The following JPH3 variants were observed in gnomAD, a reference collection of about 807,000 sequenced individuals.
JPH3 encodes junctophilin 3, also known as junctophilin-3.
In JPH3, 11 loss-of-function variants were observed where a neutral mutation model predicts 59.6. The observed-to-expected ratio is 0.18, with a 90% confidence interval of 0.12 to 0.31. The LOEUF (loss-of-function observed/expected upper bound fraction) is 0.31. Ranked by LOEUF, JPH3 falls within the 10% of genes least tolerant of loss-of-function variation. The probability of loss-of-function intolerance (pLI) is 1.00; values close to 1 mark genes in which losing one functional copy is unlikely to be tolerated. For missense variants in JPH3, 1,202 were observed against 1,105.7 expected (o/e 1.09, Z -1.24); for synonymous variants, 673 against 483.6 (o/e 1.39, Z -5.14).
chr16:87,693,369 ACTTTTT>A (rs1014563087), intron 4 of JPH3, among the ~76,000 whole-genome samples: 2 of 152,286 alleles, frequency 1.3e-5, no homozygotes, highest in East Asian at 1.9e-4. Flanking sequence ...TGTTGAGCAA[ACTTTTT>A]CTTTAAAAAG....
chr16:87,609,682 G>A (rs547844459), intron 1 of JPH3, among the ~76,000 whole-genome samples: 19 of 152,292 alleles, frequency 1.2e-4, no homozygotes, highest in African/African-American at 4.3e-4. Flanking sequence ...GTGCACAGCC[G>A]AAGGCAGGCA....
chr16:87,645,021 G>A lies in JPH3; in HGVS notation c.1146G>A (p.Glu382=), dbSNP rs777652946. The change falls in exon 2 of 5, where the codon GAG becomes GAA. Residue 382 remains glutamate, a synonymous_variant. Transcript: ENST00000284262. ...CCACCATCGCCAAGCAGAAGGCTGAGATCGCGGCTTCCAGGTAGGAGGGCG... is the reference window on the plus strand; with the variant it reads ...CCACCATCGCCAAGCAGAAGGCTGAAATCGCGGCTTCCAGGTAGGAGGGCG... The part of the protein sequence containing the change: ...RAATIAKQKA[E]IAASRTSHSR... The A allele has an allele frequency of 1.9e-6, 3 of 1,603,146 alleles. No homozygotes were observed. The highest frequency in any genetic ancestry group is 2.5e-6 in the Non-Finnish European group (3 of 1,178,730).
chr16:87,679,808 G>A (rs920789679), intron 2 of JPH3, among the ~76,000 whole-genome samples: 35 of 152,212 alleles, frequency 2.3e-4, no homozygotes, highest in African/African-American at 6.3e-4. Flanking sequence ...CTGGCCAGGG[G>A]CCCCCTCAGC....
intron 2 of JPH3, among the ~76,000 whole-genome samples, chr16:87,670,905 G>A (rs2032997808): frequency 6.6e-6 from 1 of 152,152 alleles, no homozygotes. Context: ...CGAGAGAAGT[G>A]ACATTTGGTC....
At chr16:87,678,967 G>A (rs879609086) in intron 2 of JPH3, among the ~76,000 whole-genome samples, 14 of 151,952 alleles carry the variant, frequency 9.2e-5, no homozygotes, top group Non-Finnish European at 1.8e-4. Context: ...CTGCAGGACC[G>A]TGAGAAAAGG....
At chr16:87,610,128 G>A (rs2030677447) in intron 1 of JPH3, among the ~76,000 whole-genome samples, 1 of 152,192 alleles carries the variant, frequency 6.6e-6, no homozygotes, top group African/African-American at 2.4e-5. Flanking sequence ...AGAATCTAAT[G>A]CTGCTGCTGA....
intron 3 of JPH3, among the ~76,000 whole-genome samples, chr16:87,688,651 C>G (rs560452349): frequency 6.6e-6 from 1 of 152,236 alleles, no homozygotes; most frequent in South Asian, 2.1e-4. Flanking sequence ...AGAGGGAAGA[C>G]TCCCCAAATT....
intron 2 of JPH3, among the ~76,000 whole-genome samples, chr16:87,658,907 A>G (rs376290781): frequency 1.1e-3 from 167 of 152,358 alleles, no homozygotes; most frequent in African/African-American, 3.6e-3. Flanking sequence ...TTATTTGCCC[A>G]GCAGGGCAGC....
chr16:87,645,119 A>G, intron 2 of JPH3, 84 bp downstream of exon 2: 1 of 1,408,382 alleles, frequency 7.1e-7, no homozygotes. Flanking sequence ...GCTGTCGCTC[A>G]AGGCCTTGGG....
intron 2 of JPH3, among the ~76,000 whole-genome samples, 177 bp downstream of exon 2, chr16:87,645,212 G>T (rs1372837361): frequency 6.6e-5 from 10 of 152,246 alleles, no homozygotes; most frequent in African/African-American, 1.7e-4. Flanking sequence ...GTTCTCAGAG[G>T]TGACTGTGGT....
At chr16:87,604,386 GA>G in intron 1 of JPH3, 1 of 1,431,744 alleles carries the variant, frequency 7.0e-7, no homozygotes, top group Non-Finnish European at 9.2e-7. Flanking sequence ...CGCCTGCCTG[GA>G]CTCTCCGATA....
chr16:87,689,644 A>G lies in JPH3; in HGVS notation c.1286-2A>G. 6.2e-7 allele frequency: 1 copy of G among 1,611,284 alleles called. No individual in the cohort carries two copies. Among genetic ancestry groups the G allele is most frequent in the Non-Finnish European group, 8.5e-7 (1 of 1,179,238 alleles). The stretch of plus-strand genomic sequence containing the variant: ...CTGGCGTCGTCTTGTGTCCCCATAC[A>G]GGGCTGGAGTACCAGAGGCCGAAGC... On this transcript the variant is annotated splice_acceptor_variant, in intron 3 of 4. Coordinates refer to ENST00000284262, the MANE Select transcript of JPH3 (RefSeq NM_020655.4). LOFTEE classifies it high-confidence loss of function.
chr16:87,689,787 C>T lies in JPH3; in HGVS notation c.1427C>T (p.Pro476Leu), dbSNP rs2033513360. The T allele has an allele frequency of 1.2e-6, 2 of 1,604,090 alleles. No individual in the cohort carries two copies. The highest frequency in any genetic ancestry group is 1.7e-6 in the Non-Finnish European group (2 of 1,175,090). ...TCCGACCTGACCCCCGACGACAGCC[C>T]CCTGCAGAGCTTCCCCACCAGCCCC... ...TPSDLTPDDSPLQSFPTSPAA... is the reference protein window; with the variant it reads ...TPSDLTPDDSLLQSFPTSPAA... The change falls in exon 4 of 5, where the codon CCC becomes CTC. Residue 476 changes from proline (P) to leucine (L), a missense_variant. Physicochemically the swap from Pro to Leu is moderately conservative, Grantham distance 98. Transcript: ENST00000284262.
At chr16:87,690,952 T>C (rs916264297) in intron 4 of JPH3, among the ~76,000 whole-genome samples, 1 of 152,144 alleles carries the variant, frequency 6.6e-6, no homozygotes, top group Non-Finnish European at 1.5e-5. Flanking sequence ...AGGCTGGCCC[T>C]GGGGCTGGGA....
chr16:87,691,088 C>CCT (rs1555543745), intron 4 of JPH3, among the ~76,000 whole-genome samples: 2 of 144,550 alleles, frequency 1.4e-5, no homozygotes, highest in Non-Finnish European at 3.0e-5. Context: ...CACCCAGCAC[C>CCT]CCCCCCCCAA....
rs150955715 is a variant in JPH3, at chr16:87,644,968, C to T, written c.1093C>T (p.Arg365Cys). Residue 365 changes from arginine (R) to cysteine (C), a missense_variant, in exon 2 of 5, where the codon CGC (arginine) becomes TGC (cysteine). Transcript: ENST00000284262. ...CAGCAAGATCCGCGAGAAGGTGGAC[C>T]GCGCCGTTGAGGCCGCTGAGCGGGC... ...RASKIREKVD[R>C]AVEAAERAAT... 245 of 1,610,748 alleles carry T rather than the reference C, an allele frequency of 1.5e-4. 1 individual carries two copies. The highest frequency in any genetic ancestry group is 8.3e-4 in the East Asian group (37 of 44,828).
Position 87,690,049 on chromosome 16 carries a change from C to G in JPH3, c.1689C>G (p.Arg563=), listed in dbSNP as rs776540937. The G allele has an allele frequency of 8.6e-5, 134 of 1,562,488 alleles. 2 individuals are homozygous for G. In the South Asian group the frequency reaches 1.5e-3, roughly 17 times the overall value. ...ACTTCCGCACCCGAGGTTCGGGCCGCAAGCAGCCCGGGAACCCCAAGCCGC... is the reference window on the plus strand; with the variant it reads ...ACTTCCGCACCCGAGGTTCGGGCCGGAAGCAGCCCGGGAACCCCAAGCCGC... ...VDDFRTRGSG[R]KQPGNPKPRE... The change falls in exon 4 of 5, where the codon CGC becomes CGG. Residue 563 remains arginine (R), a synonymous_variant. Coordinates refer to ENST00000284262, the MANE Select transcript of JPH3 (RefSeq NM_020655.4).
chr16:87,682,405 T>C (rs969626340), intron 2 of JPH3, among the ~76,000 whole-genome samples: 22 of 152,216 alleles, frequency 1.4e-4, no homozygotes, highest in African/African-American at 5.1e-4. Flanking sequence ...GTGTTAATCC[T>C]CACCACCAGG....
intron 1 of JPH3, among the ~76,000 whole-genome samples, chr16:87,621,082 C>G (rs1178588461): frequency 6.6e-6 from 1 of 152,212 alleles, no homozygotes; most frequent in Non-Finnish European, 1.5e-5. Flanking sequence ...TTGCTTGAGC[C>G]CGGGAGGCGG....
Sources: gnomAD v4.1 joint callset for allele counts (sites outside exome capture counted in the v4.1 genomes callset) on GRCh38, gnomAD v4.1.1 for gene constraint, MANE v1.5 for transcripts, NCBI Gene and HGNC (gene_info 2026-07-23, HGNC 2026-07-21) for gene names.